RARA: variants seen among roughly 807,000 people sequenced by gnomAD.
The protein encoded by RARA is PML-DDX5-RARA fusion.
In RARA, 5 loss-of-function variants were observed where a neutral mutation model predicts 42.8. The ratio of observed to expected loss-of-function variants is 0.12; its 90% CI spans 0.06 to 0.25. The LOEUF (loss-of-function observed/expected upper bound fraction) is 0.25. Among genes scored for constraint, RARA ranks in the 10% least tolerant of loss-of-function variants. The probability of loss-of-function intolerance (pLI) is 1.00; values close to 1 mark genes in which losing one functional copy is unlikely to be tolerated. For synonymous variants in RARA, 256 were observed against 259.5 expected (o/e 0.99, Z 0.13); for missense variants, 402 against 628.7 (o/e 0.64, Z 3.86).
intron 2 of RARA, among the ~76,000 whole-genome samples, chr17:40,335,157 GA>G (rs1183621321): frequency 6.6e-6 from 1 of 152,066 alleles, no homozygotes; most frequent in Non-Finnish European, 1.5e-5. Flanking sequence ...TGTTTTGGGG[GA>G]ATTAAATCCA....
intron 2 of RARA, among the ~76,000 whole-genome samples, chr17:40,344,485 T>A (rs889960361): frequency 1.8e-4 from 27 of 152,136 alleles, no homozygotes; most frequent in Non-Finnish European, 3.7e-4. Context: ...GGAGAGAAGC[T>A]GGGATCTGAG....
chr17:40,342,392 A>G (rs965174255), intron 2 of RARA: 5 of 1,122,194 alleles, frequency 4.5e-6, no homozygotes, highest in Non-Finnish European at 1.1e-6. Context: ...GGACGCCACG[A>G]GACTCTAGAC....
Position 40,342,598 on chromosome 17 carries a change from G to T in RARA, c.179-5718G>T, listed in dbSNP as rs902863788. The T allele has an allele frequency of 7.3e-5, 105 of 1,440,258 alleles. No individual in the cohort carries two copies. The Middle Eastern group carries it at 1.0e-3, about 14-fold the overall frequency. The allele number at this position is 1,440,258 out of a possible 1,614,324, so 89.2% of individuals were successfully genotyped here. On this transcript the variant is annotated intron_variant, in intron 2 of 8. Transcript: ENST00000254066. ...CCCGGGTCACCAGTCGGGGCGAGGG[G>T]ACGTCTCCTCTCCCCCAGCTGCTCT...
chr17:40,344,354 T>C (rs1263644874), intron 2 of RARA, among the ~76,000 whole-genome samples: 2 of 152,082 alleles, frequency 1.3e-5, no homozygotes, highest in Middle Eastern at 3.2e-3. Flanking sequence ...AGGATGACTC[T>C]AGGACCCTTT....
chr17:40,341,355 G>A (rs755354465), intron 2 of RARA: 21 of 1,443,996 alleles, frequency 1.5e-5, no homozygotes, highest in Admixed American at 5.3e-5. Context: ...CAGCACCCGC[G>A]CTGCCGCGTC....
At chr17:40,349,453 C>A in intron 3 of RARA, 1 of 268,926 alleles carries the variant, frequency 3.7e-6, no homozygotes, top group South Asian at 5.4e-5. Flanking sequence ...AGATCCCTGG[C>A]TGTTGCCCAG....
chr17:40,352,150 C>T lies in RARA; in HGVS notation c.630+80C>T, dbSNP rs2143500419. The T allele has an allele frequency of 1.4e-6, 2 of 1,470,210 alleles. No individual in the cohort carries two copies. The highest frequency in any genetic ancestry group is 4.9e-5 in the East Asian group (2 of 41,032). 91.1% of individuals were successfully genotyped at this position (1,470,210 alleles called of 1,614,324 possible). A position where few individuals can be genotyped will look rare whatever the true frequency, so the allele number is the denominator to read the frequency against. On this transcript the variant is annotated intron_variant, in intron 5 of 8. Transcript: ENST00000254066. This position sits in a 1 kb window ranked among gnomAD's most constrained non-coding sequence, Gnocchi z 4.9. ...GATGGGCCCCTCTCAGGCACCCCTT[C>T]TTGTGCCAGGCAAGATCTCTGCGTC...
In RARA at chr17:40,320,272, C is replaced by A. The variant is rs547102180; in HGVS notation, c.-362-10585C>A. The stretch of plus-strand genomic sequence containing the variant: ...TCCCTTCAGTCTGACCCTAAATGCA[C>A]CGGCTGCCACCCTGGGACACCTTTT... On this transcript the variant is annotated intron_variant, in intron 1 of 8. Coordinates refer to ENST00000254066, the MANE Select transcript of RARA (RefSeq NM_000964.4). The surrounding 1 kb of genome is among the most constrained non-coding windows in gnomAD (Gnocchi z 4.1). Among the ~76,000 whole-genome samples the A allele has an allele frequency of 6.0e-4, 91 of 152,222 alleles. No individual in the cohort carries two copies. Among genetic ancestry groups the A allele is most frequent in the Non-Finnish European group, 1.0e-3 (71 of 68,008 alleles).
chr17:40,354,244 C>T lies in RARA; in HGVS notation c.808-58C>T, dbSNP rs533711771. ...GAGTGCTGGTGCGGAGTGCTGGTGC[C>T]GAGTGCTCAGAGTGGGTTCGGGTTC... On this transcript the variant is annotated intron_variant, in intron 6 of 8. Transcript: ENST00000254066. The surrounding 1 kb of genome is among the most constrained non-coding windows in gnomAD (Gnocchi z 4.5). 1.8e-5 allele frequency: 27 copies of T among 1,541,222 alleles called. No homozygotes were observed. Among genetic ancestry groups the T allele is most frequent in the Middle Eastern group, 2.1e-4 (1 of 4,654 alleles).
chr17:40,345,953 A>G lies in RARA; in HGVS notation c.179-2363A>G, dbSNP rs915906918. Among the ~76,000 whole-genome samples, 3 of 152,080 alleles carry G rather than the reference A, an allele frequency of 2.0e-5. No homozygotes were observed. The highest frequency in any genetic ancestry group is 6.5e-5 in the Admixed American group (1 of 15,274). On this transcript the variant is annotated intron_variant, in intron 2 of 8. Transcript: ENST00000254066. The surrounding 1 kb of genome is among the most constrained non-coding windows in gnomAD (Gnocchi z 4.8). ...CTGGGTTCAAAGGGCAGAGCAGGGA[A>G]ACCTCAGAGCTGGGTTACCTGGGTG...
chr17:40,310,299 C>A (rs571776291), intron 1 of RARA, among the ~76,000 whole-genome samples: 1 of 151,480 alleles, frequency 6.6e-6, no homozygotes, highest in East Asian at 1.9e-4. Context: ...AGATCTAGGG[C>A]GTGTCATTCT....
In RARA at chr17:40,355,267, C is replaced by T; in HGVS notation, c.1017C>T (p.Arg339=). ...LSAICLICGD[R]QDLEQPDRVD... is the part of the protein sequence containing the mutation. ...GGGGTGGTTCTGCTTCCTCAGACCGCCAGGACCTGGAGCAGCCGGACCGGG... is the reference window on the plus strand; with the variant it reads ...GGGGTGGTTCTGCTTCCTCAGACCGTCAGGACCTGGAGCAGCCGGACCGGG... Residue 339 remains arginine (R), a synonymous_variant, in exon 8 of 9, where the codon CGC becomes CGT. Coordinates refer to ENST00000254066, the MANE Select transcript of RARA (RefSeq NM_000964.4). The surrounding 1 kb of genome is among the most constrained non-coding windows in gnomAD (Gnocchi z 4.1). 6.4e-7 allele frequency: 1 copy of T among 1,573,184 alleles called. No individual in the cohort carries two copies. Among genetic ancestry groups the T allele is most frequent in the Non-Finnish European group, 8.6e-7 (1 of 1,158,684 alleles).
chr17:40,310,732 T>G (rs933970956), intron 1 of RARA, among the ~76,000 whole-genome samples: 1 of 152,150 alleles, frequency 6.6e-6, no homozygotes, highest in African/African-American at 2.4e-5. Flanking sequence ...TGCTAAGCCT[T>G]AGTTTCTCCA....
In RARA at chr17:40,357,166, T is replaced by A; in HGVS notation, c.*940T>A. ...GAGCAAGGGCCCCGGGACAGAGTTTTCCCAGACCTGGCTCCTCGGCAGAGC... is the reference window on the plus strand; with the variant it reads ...GAGCAAGGGCCCCGGGACAGAGTTTACCCAGACCTGGCTCCTCGGCAGAGC... On this transcript the variant is annotated 3_prime_UTR_variant, in exon 9 of 9. Coordinates refer to ENST00000254066, the MANE Select transcript of RARA (RefSeq NM_000964.4). 4.2e-6 allele frequency: 1 copy of A among 238,034 alleles called. No homozygotes were observed. Among genetic ancestry groups the A allele is most frequent in the Non-Finnish European group, 8.3e-6 (1 of 120,846 alleles). The allele number at this position is 238,034 out of a possible 1,614,324, so 14.7% of individuals were successfully genotyped here.
intron 1 of RARA, among the ~76,000 whole-genome samples, chr17:40,318,068 C>G (rs1362338175): frequency 6.6e-6 from 1 of 152,218 alleles, no homozygotes; most frequent in Admixed American, 6.5e-5. Context: ...ACGGTCCAGT[C>G]TTCAACTAGG....
At chr17:40,344,309 G>T (rs1219048083) in intron 2 of RARA, among the ~76,000 whole-genome samples, 5 of 152,052 alleles carry the variant, frequency 3.3e-5, no homozygotes, top group Non-Finnish European at 4.4e-5. Flanking sequence ...AAGAGGGAAG[G>T]TATCACCCTT....
chr17:40,316,264 C>G (rs1250840347), intron 1 of RARA, among the ~76,000 whole-genome samples: 1 of 152,338 alleles, frequency 6.6e-6, no homozygotes, highest in South Asian at 2.1e-4. Flanking sequence ...AATTTCTTCC[C>G]TCATCCACAC....
chr17:40,313,750 A>G (rs942618597), intron 1 of RARA, among the ~76,000 whole-genome samples: 6 of 152,078 alleles, frequency 3.9e-5, no homozygotes, highest in Non-Finnish European at 8.8e-5. Flanking sequence ...GTCATGGTGC[A>G]CCACCAATTG....
intron 2 of RARA, among the ~76,000 whole-genome samples, chr17:40,331,906 T>A (rs899543264): frequency 6.6e-6 from 1 of 152,124 alleles, no homozygotes; most frequent in Non-Finnish European, 1.5e-5. Context: ...CCCCCGGCCA[T>A]GCTAGGATGT....
Sources: allele counts gnomAD v4.1 joint callset (sites outside exome capture counted in the v4.1 genomes callset), GRCh38; gene constraint gnomAD v4.1.1; non-coding constraint Gnocchi (gnomAD v3.1); transcripts MANE v1.5; gene names NCBI Gene and HGNC (gene_info 2026-07-23, HGNC 2026-07-21).